Variants in HPSE2 observed in about 807,000 individuals in gnomAD.
The protein encoded by HPSE2 is heparanase 2 (inactive), also known as inactive heparanase-2.
HPSE2 carries 38 observed loss-of-function variants against 60.5 expected under a neutral mutation model. The ratio of observed to expected loss-of-function variants is 0.63; its 90% CI spans 0.48 to 0.82. The LOEUF (loss-of-function observed/expected upper bound fraction) is 0.82. Among genes scored for constraint, HPSE2 ranks in the 40% least tolerant of loss-of-function variants. HPSE2 has a pLI of 0.00. For missense variants in HPSE2, 713 were observed against 740.4 expected, an observed-to-expected ratio of 0.96 and a Z score of 0.43; for synonymous variants, 295 against 293.2, an observed-to-expected ratio of 1.01 and a Z score of -0.06.
chr10:99,156,295 C>G (rs1178722289), intron 2 of HPSE2, among the ~76,000 whole-genome samples: 1 of 122,844 alleles, frequency 8.1e-6, no homozygotes, highest in African/African-American at 2.7e-5. Flanking sequence ...GAGACACAAC[C>G]AAAAAAGAGA....
intron 3 of HPSE2, among the ~76,000 whole-genome samples, chr10:99,062,401 G>T (rs1437021395): frequency 6.6e-6 from 1 of 152,140 alleles, no homozygotes; most frequent in Non-Finnish European, 1.5e-5. Context: ...AGAATGAAAG[G>T]TACCATTCTT....
chr10:99,060,702 T>C (rs890933824), intron 3 of HPSE2, among the ~76,000 whole-genome samples: 4 of 143,664 alleles, frequency 2.8e-5, no homozygotes, highest in Non-Finnish European at 6.0e-5. Context: ...AATCTAAGTG[T>C]CCATCAACAG....
chr10:99,223,597 C>A (rs1387659395), intron 2 of HPSE2, among the ~76,000 whole-genome samples: 1 of 152,106 alleles, frequency 6.6e-6, no homozygotes, highest in Non-Finnish European at 1.5e-5. Context: ...AACCAAAACA[C>A]ATATATTTAG....
the HPSE2 span, among the ~76,000 whole-genome samples, chr10:99,263,243 C>T: frequency 6.6e-6 from 1 of 152,166 alleles, no homozygotes; most frequent in African/African-American, 2.4e-5. Flanking sequence ...GTAGGCTATG[C>T]TATAGTATCT....
intron 4 of HPSE2, among the ~76,000 whole-genome samples, chr10:98,743,337 C>T (rs1949548998): frequency 6.6e-6 from 1 of 152,118 alleles, no homozygotes; most frequent in South Asian, 2.1e-4. Context: ...TGAAACTAGC[C>T]TCGGTTAAAT....
At chr10:98,764,375 G>T (rs1169250224) in intron 3 of HPSE2, among the ~76,000 whole-genome samples, 1 of 151,844 alleles carries the variant, frequency 6.6e-6, no homozygotes, top group East Asian at 1.9e-4. Flanking sequence ...TTTGTTAAAA[G>T]CAAATAAAAG....
At chr10:98,938,833 G>A (rs1485754887) in intron 3 of HPSE2, among the ~76,000 whole-genome samples, 2 of 143,996 alleles carry the variant, frequency 1.4e-5, no homozygotes, top group Admixed American at 1.4e-4. Context: ...GGCAGACAGA[G>A]AGAAAGGTCA....
intron 3 of HPSE2, among the ~76,000 whole-genome samples, chr10:98,748,041 G>C (rs1367570208): frequency 6.6e-6 from 1 of 152,182 alleles, no homozygotes; most frequent in Non-Finnish European, 1.5e-5. Flanking sequence ...GCTCACACCT[G>C]TAATCCCAGC....
chr10:99,020,097 C>T (rs1223245550), intron 3 of HPSE2, among the ~76,000 whole-genome samples: 2 of 152,036 alleles, frequency 1.3e-5, no homozygotes, highest in East Asian at 3.8e-4. Flanking sequence ...GGATCCTCTC[C>T]CAGAGCTCAT....
intron 3 of HPSE2, among the ~76,000 whole-genome samples, chr10:98,905,464 T>TG (rs1564646104): frequency 6.6e-6 from 1 of 151,680 alleles, no homozygotes; most frequent in African/African-American, 2.4e-5. Flanking sequence ...GGGTGAGAGG[T>TG]GGGGGGAACA....
chr10:98,804,237 A>T (rs1044007688), intron 3 of HPSE2, among the ~76,000 whole-genome samples: 24 of 152,034 alleles, frequency 1.6e-4, no homozygotes, highest in African/African-American at 5.8e-4. Context: ...TTTCTTAAGC[A>T]ATACCCCGCA....
intron 9 of HPSE2, among the ~76,000 whole-genome samples, chr10:98,599,605 CA>C (rs936480074): frequency 2.2e-4 from 34 of 152,268 alleles, no homozygotes; most frequent in African/African-American, 8.2e-4. Flanking sequence ...GGGTCTGAAG[CA>C]AAGTCTGGTG....
chr10:98,749,476 T>C (rs72842318), intron 3 of HPSE2, among the ~76,000 whole-genome samples: 2,267 of 151,258 alleles, frequency 0.015, 31 homozygotes, highest in African/African-American at 0.03. Flanking sequence ...CATATATACA[T>C]GCATGTATAT....
intron 9 of HPSE2, among the ~76,000 whole-genome samples, chr10:98,520,119 T>C (rs947057645): frequency 3.3e-5 from 5 of 152,184 alleles, no homozygotes; most frequent in Non-Finnish European, 7.3e-5. Flanking sequence ...ATGGCTACAA[T>C]GTGTGACTGG....
chr10:98,515,135 C>T (rs532420551), intron 9 of HPSE2, among the ~76,000 whole-genome samples: 172 of 152,180 alleles, frequency 1.1e-3, no homozygotes, highest in African/African-American at 3.5e-3. Flanking sequence ...GTGGTCAAGC[C>T]GACTGAGAGT....
intron 4 of HPSE2, among the ~76,000 whole-genome samples, chr10:98,725,789 G>A (rs192679077): frequency 0.011 from 1,734 of 151,850 alleles, 46 homozygotes; most frequent in African/African-American, 0.039. Flanking sequence ...AAACAAATTT[G>A]CAAGAAAAAA....
At chr10:99,309,117 C>G in the HPSE2 span, among the ~76,000 whole-genome samples, 1 of 151,952 alleles carries the variant, frequency 6.6e-6, no homozygotes, top group Non-Finnish European at 1.5e-5. Flanking sequence ...TATGAAATGT[C>G]CTGAATTAGA....
intron 4 of HPSE2, among the ~76,000 whole-genome samples, chr10:98,722,788 C>T (rs1948961369): frequency 6.6e-6 from 1 of 152,092 alleles, no homozygotes; most frequent in Non-Finnish European, 1.5e-5. Context: ...AACATCTCAG[C>T]TGGCTTGAGA....
intron 3 of HPSE2, among the ~76,000 whole-genome samples, chr10:98,946,895 A>G (rs1414566278): frequency 6.6e-6 from 1 of 152,044 alleles, no homozygotes; most frequent in African/African-American, 2.4e-5. Context: ...TCACGTGAGC[A>G]ATTTGTCTCT....
Sources: gnomAD v4.1 joint callset for allele counts (sites outside exome capture counted in the v4.1 genomes callset) on GRCh38, gnomAD v4.1.1 for gene constraint, MANE v1.5 for transcripts, NCBI Gene and HGNC (gene_info 2026-07-23, HGNC 2026-07-21) for gene names.